The following SPATA9 variants were observed in gnomAD, a reference collection of about 807,000 sequenced individuals.
SPATA9 encodes the protein spermatogenesis-associated protein 9.
SPATA9 carries 27 observed loss-of-function variants against 25.5 expected under a neutral mutation model. That is an observed-to-expected ratio of 1.06 (90% CI 0.78 to 1.46). SPATA9 has a LOEUF of 1.46. Ranked by LOEUF, SPATA9 falls within the 40% of genes most tolerant of loss-of-function variation. The probability of loss-of-function intolerance (pLI) is 0.00; values close to 1 mark genes in which losing one functional copy is unlikely to be tolerated. For missense variants in SPATA9, 282 were observed against 297.5 expected (o/e 0.95, Z 0.38); for synonymous variants, 102 against 105.7 (o/e 0.97, Z 0.21).
At chr5:95,698,934 ACTATAAAAT>A (rs939520992), upstream of SPATA9, among the ~76,000 whole-genome samples, 2 of 152,186 alleles carry the variant, frequency 1.3e-5, no homozygotes, top group African/African-American at 4.8e-5. Flanking sequence ...CAACAACATA[ACTATAAAAT>A]CTCCCTGAGA....
the SPATA9 span, among the ~76,000 whole-genome samples, chr5:95,715,880 C>G: frequency 4.0e-5 from 6 of 151,850 alleles, no homozygotes; most frequent in East Asian, 1.2e-3. Context: ...AGATCAAGAA[C>G]AAAAACCACT....
At chr5:95,715,770 C>A in the SPATA9 span, among the ~76,000 whole-genome samples, 760 of 152,034 alleles carry the variant, frequency 5.0e-3, 7 homozygotes, top group African/African-American at 0.018. Flanking sequence ...TTCAGTTCAG[C>A]AAAACAAAGA....
the SPATA9 span, among the ~76,000 whole-genome samples, chr5:95,725,603 CT>C: frequency 6.6e-6 from 1 of 152,206 alleles, no homozygotes. Flanking sequence ...CTTTTCTGCA[CT>C]TTTTTTGTGT....
At chr5:95,731,754 G>A in the SPATA9 span, 29 of 1,607,308 alleles carry the variant, frequency 1.8e-5, no homozygotes, top group African/African-American at 3.5e-4. Flanking sequence ...GACAGGGGCT[G>A]GTGCCCATCC....
intron 2 of SPATA9, among the ~76,000 whole-genome samples, chr5:95,677,318 C>G (rs1753029897): frequency 6.6e-6 from 1 of 152,168 alleles, no homozygotes; most frequent in African/African-American, 2.4e-5. Flanking sequence ...GTAATACGCA[C>G]TCTATCTTTG....
At chr5:95,672,186 G>A (rs1752449997) in intron 3 of SPATA9, among the ~76,000 whole-genome samples, 1 of 152,154 alleles carries the variant, frequency 6.6e-6, no homozygotes, top group Admixed American at 6.5e-5. Flanking sequence ...TCAAGCCTTT[G>A]CAGAACTGCA....
chr5:95,652,281 T>G (rs1249781192), downstream of SPATA9: 2 of 1,550,344 alleles, frequency 1.3e-6, no homozygotes, highest in Non-Finnish European at 1.7e-6. Context: ...AATGTTGAAG[T>G]GTTTCAGGAA....
At chr5:95,731,466 T>G in the SPATA9 span, 1 of 1,219,094 alleles carries the variant, frequency 8.2e-7, no homozygotes, top group Non-Finnish European at 1.0e-6. Flanking sequence ...TAGCGGCAGC[T>G]TATCCCCCGC....
At chr5:95,718,179 A>C in the SPATA9 span, among the ~76,000 whole-genome samples, 1 of 152,218 alleles carries the variant, frequency 6.6e-6, no homozygotes, top group Non-Finnish European at 1.5e-5. Context: ...CTTTTAAAAA[A>C]AGTTGCTTCT....
rs550759877 is a variant in SPATA9, at chr5:95,668,619, G to T, written c.379-4571C>A. ...TTAATTTCACTTTATGTGCATATTT[G>T]AGTTAAAAAATGTCTTGGTATCAAT... On this transcript the variant is annotated intron_variant, in intron 3 of 4. Coordinates refer to ENST00000274432, the MANE Select transcript of SPATA9 (RefSeq NM_031952.4). Among the ~76,000 whole-genome samples, 4 of 152,182 alleles carry T rather than the reference G, an allele frequency of 2.6e-5. No homozygotes were observed. The South Asian group carries it at 8.3e-4, about 32-fold the overall frequency.
downstream of SPATA9, chr5:95,652,740 G>A (rs1019936631): frequency 4.0e-6 from 1 of 250,830 alleles, no homozygotes; most frequent in Non-Finnish European, 7.6e-6. Flanking sequence ...CTGGCACATA[G>A]TTAACACAAT....
intron 4 of SPATA9, among the ~76,000 whole-genome samples, chr5:95,663,253 AAC>A (rs1406849019): frequency 2.6e-5 from 4 of 152,194 alleles, no homozygotes; most frequent in Non-Finnish European, 5.9e-5. Context: ...GCAAAAGACA[AAC>A]ACAAAAGAAT....
the SPATA9 span, among the ~76,000 whole-genome samples, chr5:95,720,560 A>G: frequency 6.6e-6 from 1 of 152,000 alleles, no homozygotes; most frequent in Non-Finnish European, 1.5e-5. Context: ...AGACTGTTCC[A>G]TTTCAAGGCT....
chr5:95,656,137 CT>C (rs1166014911), downstream of SPATA9: 1 of 1,613,716 alleles, frequency 6.2e-7, no homozygotes, highest in Admixed American at 1.7e-5. Context: ...TCTATAAACC[CT>C]AAAGATCCAT....
chr5:95,713,157 G>A, the SPATA9 span, among the ~76,000 whole-genome samples: 1 of 152,074 alleles, frequency 6.6e-6, no homozygotes, highest in Non-Finnish European at 1.5e-5. Flanking sequence ...AAAAACCCAT[G>A]TCCCAGACCT....
chr5:95,653,736 A>G (rs1339739827), downstream of SPATA9, among the ~76,000 whole-genome samples: 1 of 152,124 alleles, frequency 6.6e-6, no homozygotes, highest in Admixed American at 6.5e-5. Context: ...TGTCTCTACT[A>G]AAAATACAAA....
At chr5:95,680,136 G>A (rs924635758) in intron 2 of SPATA9, among the ~76,000 whole-genome samples, 1 of 152,176 alleles carries the variant, frequency 6.6e-6, no homozygotes, top group African/African-American at 2.4e-5. Context: ...CTGACCTTGT[G>A]ATCCGCCTGC....
the SPATA9 span, chr5:95,731,996 C>G: frequency 1.2e-6 from 2 of 1,614,172 alleles, no homozygotes; most frequent in Non-Finnish European, 1.7e-6. Flanking sequence ...CTGAACGCGG[C>G]CAGCACGGTC....
At chr5:95,674,397 C>T (rs1031857547) in intron 3 of SPATA9, among the ~76,000 whole-genome samples, 4 of 152,144 alleles carry the variant, frequency 2.6e-5, no homozygotes, top group African/African-American at 7.2e-5. Flanking sequence ...AGCAGGTAAT[C>T]AAGTTCTAGG....
Sources: allele counts gnomAD v4.1 joint callset (sites outside exome capture counted in the v4.1 genomes callset), GRCh38; gene constraint gnomAD v4.1.1; transcripts MANE v1.5; gene names NCBI Gene and HGNC (gene_info 2026-07-23, HGNC 2026-07-21).